Variants in TOGARAM1 observed in about 807,000 individuals in gnomAD.
TOGARAM1 encodes TOG array regulator of axonemal microtubules 1.
Under a neutral mutation model 166.6 loss-of-function variants are expected in TOGARAM1, and 100 were observed. The ratio of observed to expected loss-of-function variants is 0.60; its 90% CI spans 0.51 to 0.71. The LOEUF (loss-of-function observed/expected upper bound fraction) is 0.71. Among genes scored for constraint, TOGARAM1 ranks in the 30% least tolerant of loss-of-function variants. The pLI is 0.00. For synonymous variants in TOGARAM1, 758 were observed against 763.8 expected (o/e 0.99, Z 0.13); for missense variants, 2,029 against 2,102.7 (o/e 0.96, Z 0.69).
At chr14:45,008,148 G>A (rs896634842) in intron 5 of TOGARAM1, 11 of 151,636 alleles carry the variant, frequency 7.3e-5, no homozygotes, top group African/African-American at 2.7e-4. Flanking sequence ...AAACAAAACA[G>A]TTTATGTATG....
At position 45,066,575 on chromosome 14, in the gene TOGARAM1, T is replaced by G; in HGVS notation, c.4560-3T>G. The G allele has an allele frequency of 6.2e-7, 1 of 1,601,914 alleles. No individual in the cohort carries two copies. Among genetic ancestry groups the G allele is most frequent in the Non-Finnish European group, 8.5e-7 (1 of 1,171,498 alleles). ...AATTACCTTCACCTTTCTTTCACTT[T>G]AGAGCTGTAACTGAAGTTCGTGAAG... On this transcript the variant is annotated splice_region_variant and splice_polypyrimidine_tract_variant and intron_variant, in intron 16 of 19. Transcript: ENST00000361462.
At chr14:45,030,667 C>A (rs911876807) in intron 10 of TOGARAM1, among the ~76,000 whole-genome samples, 1 of 152,138 alleles carries the variant, frequency 6.6e-6, no homozygotes, top group East Asian at 1.9e-4. Flanking sequence ...CCTCACATAA[C>A]AAAAACTGGT....
At chr14:45,026,279 T>C (rs1294998726) in intron 8 of TOGARAM1, among the ~76,000 whole-genome samples, 1 of 152,164 alleles carries the variant, frequency 6.6e-6, no homozygotes, top group Non-Finnish European at 1.5e-5. Context: ...TTATATATTT[T>C]AAGGGGGCTA....
intron 10 of TOGARAM1, among the ~76,000 whole-genome samples, chr14:45,029,019 T>TA (rs1412083677): frequency 6.6e-6 from 1 of 152,180 alleles, no homozygotes; most frequent in East Asian, 1.9e-4. Context: ...AAAGTAAAAA[T>TA]AAAAAAGATT....
intron 1 of TOGARAM1, among the ~76,000 whole-genome samples, chr14:44,972,235 A>G (rs1885926336): frequency 6.6e-6 from 1 of 152,018 alleles, no homozygotes; most frequent in Non-Finnish European, 1.5e-5. Flanking sequence ...CAAATATTGT[A>G]TGATTTCTAT....
At chr14:45,011,311 ATATT>A (rs2138859473) in intron 6 of TOGARAM1, among the ~76,000 whole-genome samples, 1 of 152,084 alleles carries the variant, frequency 6.6e-6, no homozygotes, top group African/African-American at 2.4e-5. Context: ...TTGACTTGTT[ATATT>A]TATTTTCATT....
In TOGARAM1 at chr14:45,011,881, C is replaced by G. The variant is rs1488481570; in HGVS notation, c.3138-94C>G. ...ATTGCTCCCTTATTATCTAAAAGGT[C>G]TGTGAGTTAATAAGGAGAATAGACA... On this transcript the variant is annotated intron_variant, in intron 6 of 19. Coordinates refer to ENST00000361462, the MANE Select transcript of TOGARAM1 (RefSeq NM_001308120.2). The G allele has an allele frequency of 6.0e-6, 5 of 832,502 alleles. No homozygotes were observed. The African/African-American group carries it at 6.9e-5, about 11-fold the overall frequency. 51.6% of individuals were successfully genotyped at this position (832,502 alleles called of 1,614,324 possible). A position where few individuals can be genotyped will look rare whatever the true frequency, so the allele number is the denominator to read the frequency against.
chr14:45,030,148 C>G (rs934068710), intron 10 of TOGARAM1, among the ~76,000 whole-genome samples: 1 of 152,002 alleles, frequency 6.6e-6, no homozygotes, highest in African/African-American at 2.4e-5. Context: ...AAAAAAAAAT[C>G]TTCATTTGAG....
intron 1 of TOGARAM1, among the ~76,000 whole-genome samples, chr14:44,985,657 C>T (rs528620822): frequency 5.4e-4 from 82 of 152,326 alleles, no homozygotes; most frequent in African/African-American, 1.9e-3. Context: ...ACTGTAAATA[C>T]ATTTGAAGCT....
intron 1 of TOGARAM1, among the ~76,000 whole-genome samples, chr14:44,982,866 A>AT (rs892062589): frequency 6.6e-5 from 10 of 152,032 alleles, no homozygotes; most frequent in Non-Finnish European, 1.5e-4. Flanking sequence ...GGACTGTTTT[A>AT]TTTTTTTGTT....
chr14:45,063,479 GTTT>G (rs373702236), intron 16 of TOGARAM1, among the ~76,000 whole-genome samples: 4 of 118,682 alleles, frequency 3.4e-5, no homozygotes, highest in Non-Finnish European at 5.1e-5. Context: ...ATTTGACAAA[GTTT>G]TTTTTTTTTT....
intron 7 of TOGARAM1, among the ~76,000 whole-genome samples, chr14:45,018,199 C>G (rs1253782966): frequency 1.3e-5 from 2 of 151,936 alleles, no homozygotes; most frequent in African/African-American, 4.8e-5. Flanking sequence ...TGAATAGCAG[C>G]TGTGGTCATT....
intron 5 of TOGARAM1, chr14:45,007,196 T>C (rs1879500397): frequency 6.6e-6 from 1 of 152,122 alleles, no homozygotes; most frequent in Non-Finnish European, 1.5e-5. Context: ...ATAGAGTTAA[T>C]ATTACTGTAT....
In TOGARAM1 at chr14:45,025,798, C is replaced by A; in HGVS notation, c.3254C>A (p.Pro1085Gln). ...GGATTTACAGGGTCATCATCAAATC[C>A]ACAGCAAATTTCCAGTTTTGACTTC... Reference protein sequence around the residue: ...QSPSAGSSSNPQQISSFDFTT... With the variant: ...QSPSAGSSSNQQQISSFDFTT... Residue 1085 changes from proline to glutamine, a missense_variant, in exon 8 of 20, where the codon CCA (proline) becomes CAA (glutamine). Physicochemically the swap from Pro to Gln is moderately conservative, Grantham distance 76 (BLOSUM62 -1). This residue lies in a region of TOGARAM1 where 1,453 missense variants were observed against 1,432.2 expected (regional missense o/e 1.01). Coordinates refer to ENST00000361462, the MANE Select transcript of TOGARAM1 (RefSeq NM_001308120.2). The A allele has an allele frequency of 6.2e-7, 1 of 1,604,970 alleles. No individual in the cohort carries two copies. Among genetic ancestry groups the A allele is most frequent in the Non-Finnish European group, 8.5e-7 (1 of 1,173,080 alleles).
chr14:45,064,198 C>A (rs531737854), intron 16 of TOGARAM1, among the ~76,000 whole-genome samples: 17 of 152,250 alleles, frequency 1.1e-4, no homozygotes, highest in Admixed American at 3.3e-4. Flanking sequence ...TAAAGTCTTT[C>A]TTACCATTTT....
rs1369990669 is a variant in TOGARAM1 at position 45,008,972 on chromosome 14, T to C, written c.2964T>C (p.Ser988=). 5.0e-6 allele frequency: 8 copies of C among 1,613,978 alleles called. No individual in the cohort carries two copies. The highest frequency in any genetic ancestry group is 2.7e-5 in the African/African-American group (2 of 74,898). ...NSAAKKRAKL[S]GSTSDLESPD... The stretch of plus-strand genomic sequence containing the variant: ...CAGCTAAGAAAAGAGCAAAACTGAG[T>C]GGCAGTACTTCAGATCTTGAAAGCC... Residue 988 remains serine, a synonymous_variant, in exon 6 of 20, where the codon AGT becomes AGC. Transcript: ENST00000361462.
At chr14:45,036,260 A>T (rs1202305638) in intron 11 of TOGARAM1, among the ~76,000 whole-genome samples, 1 of 152,000 alleles carries the variant, frequency 6.6e-6, no homozygotes, top group East Asian at 1.9e-4. Context: ...AAATATAACT[A>T]TAAAAATAAT....
chr14:45,073,180 T>G (rs1883456257), intron 19 of TOGARAM1, 116 bp from the exon 20 acceptor site: 3 of 1,054,930 alleles, frequency 2.8e-6, no homozygotes, highest in Non-Finnish European at 3.9e-6. Context: ...AAGCCTAACT[T>G]TTTAGGACAA....
chr14:45,067,152 G>A (rs947950021), intron 17 of TOGARAM1, among the ~76,000 whole-genome samples: 62 of 151,860 alleles, frequency 4.1e-4, no homozygotes, highest in Non-Finnish European at 2.2e-4. Flanking sequence ...GATTTTCTAG[G>A]TTTTTCTAGG....
Sources: gnomAD v4.1 joint callset for allele counts (sites outside exome capture counted in the v4.1 genomes callset) on GRCh38, gnomAD v4.1.1 for gene constraint, gnomAD v4.1.1 regional missense constraint, MANE v1.5 for transcripts, NCBI Gene and HGNC (gene_info 2026-07-23, HGNC 2026-07-21) for gene names.